Variants in MALRD1 observed in about 807,000 individuals in gnomAD.
The protein encoded by MALRD1 is MAM and LDL receptor class A domain containing 1.
A neutral mutation model predicts 242.1 loss-of-function variants in MALRD1; 247 were observed. The observed-to-expected ratio is 1.02, with a 90% CI of 0.92 to 1.13. The LOEUF is 1.13. Ranked by LOEUF, MALRD1 falls within the 50% of genes most tolerant of loss-of-function variation. The pLI is 0.00. For missense variants in MALRD1, 2,989 were observed against 2,533.1 expected (o/e 1.18, Z -3.86); for synonymous variants, 995 against 866.6 (o/e 1.15, Z -2.60).
At chr10:19,715,107 C>T (rs1193893152) in intron 38 of MALRD1, among the ~76,000 whole-genome samples, 3 of 151,948 alleles carry the variant, frequency 2.0e-5, no homozygotes, top group Non-Finnish European at 2.9e-5. Flanking sequence ...TCCTTATTTC[C>T]CTATACTGAC....
intron 26 of MALRD1, among the ~76,000 whole-genome samples, chr10:19,355,048 G>A (rs1214316091): frequency 1.3e-5 from 2 of 152,172 alleles, no homozygotes; most frequent in Non-Finnish European, 2.9e-5. Flanking sequence ...GCTCATAGGA[G>A]GGAAAGATCC....
chr10:19,448,018 T>C (rs949194557), intron 28 of MALRD1, among the ~76,000 whole-genome samples: 1 of 152,192 alleles, frequency 6.6e-6, no homozygotes, highest in Admixed American at 6.5e-5. Flanking sequence ...GATTAACTGA[T>C]GCATAGTTGT....
At chr10:19,340,428 G>A (rs1843797627) in intron 24 of MALRD1, among the ~76,000 whole-genome samples, 1 of 151,568 alleles carries the variant, frequency 6.6e-6, no homozygotes, top group Non-Finnish European at 1.5e-5. Context: ...TGTAAGGTGT[G>A]GGTGGAGTCC....
intron 23 of MALRD1, among the ~76,000 whole-genome samples, chr10:19,330,529 A>C (rs2130918561): frequency 6.6e-6 from 1 of 152,260 alleles, no homozygotes; most frequent in South Asian, 2.1e-4. Flanking sequence ...TCTTATGTTA[A>C]CATATACATA....
At chr10:19,647,783 T>A (rs1415858576) in intron 36 of MALRD1, among the ~76,000 whole-genome samples, 3 of 152,288 alleles carry the variant, frequency 2.0e-5, no homozygotes, top group East Asian at 3.9e-4. Flanking sequence ...TTCCAGCTAT[T>A]GTGGAATAAC....
intron 4 of MALRD1, among the ~76,000 whole-genome samples, chr10:19,101,304 A>G: frequency 6.8e-6 from 1 of 146,232 alleles, no homozygotes; most frequent in Non-Finnish European, 1.5e-5. Flanking sequence ...ACATATATCT[A>G]TATTATAAAT....
chr10:19,664,078 T>C (rs1036406015), intron 36 of MALRD1, among the ~76,000 whole-genome samples: 4 of 151,858 alleles, frequency 2.6e-5, no homozygotes. Context: ...CAATTTGCCT[T>C]CTCTTCTCTA....
At chr10:19,430,266 C>T (rs1834072582) in intron 28 of MALRD1, among the ~76,000 whole-genome samples, 1 of 151,626 alleles carries the variant, frequency 6.6e-6, no homozygotes, top group Non-Finnish European at 1.5e-5. Flanking sequence ...AGGCACCCAC[C>T]ACCATGCCCG....
chr10:19,535,622 C>G (rs1036382481), intron 32 of MALRD1, among the ~76,000 whole-genome samples: 1 of 151,156 alleles, frequency 6.6e-6, no homozygotes, highest in Non-Finnish European at 1.5e-5. Context: ...GAGAAATATA[C>G]ACTACAATGG....
At chr10:19,270,742 A>G (rs543345716) in intron 19 of MALRD1, among the ~76,000 whole-genome samples, 13 of 151,266 alleles carry the variant, frequency 8.6e-5, no homozygotes, top group Non-Finnish European at 1.5e-4. Context: ...AAAAACTATT[A>G]ATTGTTAGCC....
intron 21 of MALRD1, among the ~76,000 whole-genome samples, chr10:19,288,694 C>A (rs983498106): frequency 1.3e-5 from 2 of 152,126 alleles, no homozygotes; most frequent in Non-Finnish European, 2.9e-5. Flanking sequence ...CCTGCGAGAT[C>A]CCATCCTTCC....
chr10:19,732,662 G>GT (rs1835344277), intron 39 of MALRD1, among the ~76,000 whole-genome samples: 2 of 152,292 alleles, frequency 1.3e-5, no homozygotes, highest in South Asian at 2.1e-4. Context: ...TCAATTTTAT[G>GT]TTTTTTGTAT....
intron 36 of MALRD1, among the ~76,000 whole-genome samples, chr10:19,645,275 T>G (rs893235927): frequency 6.6e-6 from 1 of 152,316 alleles, no homozygotes; most frequent in East Asian, 1.9e-4. Flanking sequence ...TTTACACTGT[T>G]GGTGGGACTG....
chr10:19,677,959 G>C (rs1327228256), intron 36 of MALRD1, among the ~76,000 whole-genome samples: 1 of 152,096 alleles, frequency 6.6e-6, no homozygotes, highest in African/African-American at 2.4e-5. Flanking sequence ...TGTCAGGTTT[G>C]TCAAAGATCA....
intron 34 of MALRD1, among the ~76,000 whole-genome samples, chr10:19,596,754 G>T (rs895895135): frequency 6.8e-6 from 1 of 147,282 alleles, no homozygotes; most frequent in Non-Finnish European, 1.5e-5. Context: ...GAAAAGAAAA[G>T]AAAAGAACGA....
At chr10:19,232,701 A>C (rs1591326) in intron 18 of MALRD1, among the ~76,000 whole-genome samples, 2,979 of 152,268 alleles carry the variant, frequency 0.02, 97 homozygotes, top group African/African-American at 0.067. Context: ...AGAATAGAGA[A>C]CAATTTCATA....
At chr10:19,112,928 G>C (rs990026883) in intron 5 of MALRD1, among the ~76,000 whole-genome samples, 1 of 152,082 alleles carries the variant, frequency 6.6e-6, no homozygotes, top group South Asian at 2.1e-4. Context: ...AAAAAGTTAA[G>C]AGTAATTTTT....
chr10:19,209,436 CT>C lies in MALRD1; in HGVS notation c.2749del (p.Ser917GlnfsTer127). On this transcript the variant is annotated frameshift_variant, in exon 18 of 40. Coordinates refer to ENST00000454679, the MANE Select transcript of MALRD1 (RefSeq NM_001142308.3). LOFTEE classifies it high-confidence loss of function. ...AAAGGACACTATCTCTACATAGAAT[CT>C]TCAGAGCCACAGGCTTTTCAAGACA... ...TAKGHYLYIESSEPQAFQDSA... is the reference protein window; with the variant it reads ...TAKGHYLYIEXSEPQAFQDSA... 6.4e-7 allele frequency: 1 copy of C among 1,550,956 alleles called. No homozygotes were observed. Among genetic ancestry groups the C allele is most frequent in the Non-Finnish European group, 8.7e-7 (1 of 1,147,074 alleles).
intron 18 of MALRD1, among the ~76,000 whole-genome samples, chr10:19,234,493 T>C (rs1838214616): frequency 6.6e-6 from 1 of 152,152 alleles, no homozygotes; most frequent in Non-Finnish European, 1.5e-5. Context: ...TTCTCTCTTT[T>C]CAGTATCAAT....
Sources: gnomAD v4.1 joint callset for allele counts (sites outside exome capture counted in the v4.1 genomes callset) on GRCh38, gnomAD v4.1.1 for gene constraint, MANE v1.5 for transcripts, NCBI Gene and HGNC (gene_info 2026-07-23, HGNC 2026-07-21) for gene names.